The following PRKAR2A variants were observed in gnomAD, a reference collection of about 807,000 sequenced individuals.
PRKAR2A encodes cAMP-dependent protein kinase type II-alpha regulatory subunit.
A neutral mutation model predicts 51.9 loss-of-function variants in PRKAR2A; 29 were observed. The observed-to-expected ratio is 0.56, with a 90% CI of 0.42 to 0.76. The LOEUF (loss-of-function observed/expected upper bound fraction) is 0.76. PRKAR2A is among the 30% of genes least tolerant of loss of function. The pLI, the probability that PRKAR2A is intolerant of heterozygous loss-of-function variation, is 0.00. For missense variants in PRKAR2A, 445 were observed against 512.1 expected (o/e 0.87, Z 1.26); for synonymous variants, 178 against 186.2 (o/e 0.96, Z 0.36).
intron 4 of PRKAR2A, among the ~76,000 whole-genome samples, chr3:48,785,193 C>T (rs984793516): frequency 1.3e-5 from 2 of 149,714 alleles, no homozygotes; most frequent in Non-Finnish European, 3.0e-5. Context: ...TGGGTTCAAG[C>T]GATTTCTCCT....
chr3:48,817,858 A>G (rs1383503367), intron 1 of PRKAR2A, among the ~76,000 whole-genome samples: 6 of 152,010 alleles, frequency 3.9e-5, no homozygotes. Context: ...AAGAAATGAC[A>G]TATCAATTAA....
chr3:48,843,806 C>G (rs1373732374), intron 1 of PRKAR2A, among the ~76,000 whole-genome samples: 5 of 151,850 alleles, frequency 3.3e-5, no homozygotes, highest in African/African-American at 1.2e-4. Flanking sequence ...AAACTGGATC[C>G]CTTCCTTACA....
At chr3:48,768,370 GAC>G (rs528135300) in intron 6 of PRKAR2A, among the ~76,000 whole-genome samples, 2 of 151,094 alleles carry the variant, frequency 1.3e-5, no homozygotes, top group African/African-American at 2.4e-5. Flanking sequence ...CAGACAGACA[GAC>G]ACACACACAC....
downstream of PRKAR2A, among the ~76,000 whole-genome samples, chr3:48,745,973 C>T (rs2081557656): frequency 6.6e-6 from 1 of 151,824 alleles, no homozygotes; most frequent in Admixed American, 6.6e-5. Flanking sequence ...GACAGAATGC[C>T]CACCTTTGAA....
At chr3:48,755,864 T>C (rs2081754391) in intron 9 of PRKAR2A, among the ~76,000 whole-genome samples, 1 of 151,144 alleles carries the variant, frequency 6.6e-6, no homozygotes, top group Non-Finnish European at 1.5e-5. Flanking sequence ...CTGCAAGCTC[T>C]GCCTCCGGTG....
chr3:48,793,351 G>T (rs2082423183), intron 3 of PRKAR2A, among the ~76,000 whole-genome samples: 1 of 152,152 alleles, frequency 6.6e-6, no homozygotes, highest in Non-Finnish European at 1.5e-5. Flanking sequence ...CCTCAGGAAG[G>T]ATCCAACTTT....
intron 1 of PRKAR2A, among the ~76,000 whole-genome samples, chr3:48,834,751 AGAC>A (rs1245383039): frequency 6.6e-6 from 1 of 151,950 alleles, no homozygotes; most frequent in African/African-American, 2.4e-5. Context: ...AAAGGTGAAA[AGAC>A]AATTCACAAA....
intron 5 of PRKAR2A, among the ~76,000 whole-genome samples, chr3:48,779,041 G>T (rs554250985): frequency 6.6e-6 from 1 of 151,732 alleles, no homozygotes; most frequent in Admixed American, 6.6e-5. Flanking sequence ...TGGCCAGGCT[G>T]GTCTCAAACT....
At chr3:48,765,751 G>T (rs1355370453) in intron 6 of PRKAR2A, among the ~76,000 whole-genome samples, 1 of 101,704 alleles carries the variant, frequency 9.8e-6, no homozygotes, top group African/African-American at 3.6e-5. Flanking sequence ...AAAAAAAAGA[G>T]ACACCTCACC....
chr3:48,831,107 AATT>A (rs1368864518), intron 1 of PRKAR2A, among the ~76,000 whole-genome samples: 1 of 152,122 alleles, frequency 6.6e-6, no homozygotes, highest in African/African-American at 2.4e-5. Context: ...TACTATACAT[AATT>A]ATATGTACTA....
intron 9 of PRKAR2A, 92 bp downstream of exon 9, chr3:48,756,287 G>T: frequency 9.0e-7 from 1 of 1,111,370 alleles, no homozygotes; most frequent in Non-Finnish European, 1.4e-6. Flanking sequence ...ACATAACAAT[G>T]ATGGTTTGGT....
At chr3:48,755,928 G>A (rs1169324520) in intron 9 of PRKAR2A, among the ~76,000 whole-genome samples, 2 of 151,808 alleles carry the variant, frequency 1.3e-5, no homozygotes, top group African/African-American at 2.4e-5. Flanking sequence ...ACAGGCGCCC[G>A]CCACCATGCC....
intron 3 of PRKAR2A, among the ~76,000 whole-genome samples, chr3:48,791,423 C>CT (rs2082383719): frequency 2.9e-5 from 4 of 139,430 alleles, no homozygotes; most frequent in Non-Finnish European, 6.2e-5. Context: ...GGATAAACCC[C>CT]ATCTCTACTA....
intron 2 of PRKAR2A, among the ~76,000 whole-genome samples, chr3:48,805,219 C>T (rs1336366798): frequency 2.6e-5 from 4 of 152,016 alleles, no homozygotes; most frequent in South Asian, 2.1e-4. Flanking sequence ...AGCCATAATG[C>T]GAAGTTTTAA....
intron 8 of PRKAR2A, among the ~76,000 whole-genome samples, chr3:48,763,598 G>A (rs1470448410): frequency 6.6e-6 from 1 of 152,102 alleles, no homozygotes; most frequent in East Asian, 1.9e-4. Context: ...ACCATACCAG[G>A]ATACCTGCTC....
chr3:48,767,152 G>T lies in PRKAR2A; in HGVS notation c.697-1803C>A, dbSNP rs371801137. On this transcript the variant is annotated intron_variant, in intron 6 of 10. Transcript: ENST00000265563. ...AACTACCTTTCTTCCACCTCAGGCTGTCAGGACTATACATATATACATTTT... is the reference window on the plus strand; with the variant it reads ...AACTACCTTTCTTCCACCTCAGGCTTTCAGGACTATACATATATACATTTT... 1.2e-4 allele frequency among the ~76,000 whole-genome samples: 18 copies of T among 152,322 alleles called. No homozygotes were observed. In the East Asian group the frequency reaches 2.5e-3, roughly 21 times the overall value.
chr3:48,829,237 G>A (rs2083124835), intron 1 of PRKAR2A, among the ~76,000 whole-genome samples: 2 of 151,822 alleles, frequency 1.3e-5, no homozygotes, highest in Non-Finnish European at 2.9e-5. Context: ...TGAAAATGAA[G>A]GCTGGGCGCA....
intron 2 of PRKAR2A, among the ~76,000 whole-genome samples, chr3:48,800,667 G>A (rs2082574517): frequency 8.3e-6 from 1 of 120,916 alleles, no homozygotes; most frequent in African/African-American, 2.8e-5. Flanking sequence ...GGAAGGCATG[G>A]CTTTTCTTTT....
At chr3:48,830,952 C>T (rs1002688217) in intron 1 of PRKAR2A, among the ~76,000 whole-genome samples, 7 of 152,066 alleles carry the variant, frequency 4.6e-5, no homozygotes, top group East Asian at 3.9e-4. Flanking sequence ...GGAGCTCAGG[C>T]GGTAATACAA....
Sources: gnomAD v4.1 joint callset for allele counts (sites outside exome capture counted in the v4.1 genomes callset) on GRCh38, gnomAD v4.1.1 for gene constraint, MANE v1.5 for transcripts, NCBI Gene and HGNC (gene_info 2026-07-23, HGNC 2026-07-21) for gene names.